Variants in CDH13 observed in about 807,000 individuals in gnomAD.
CDH13 encodes cadherin 13.
Under a neutral mutation model 63.8 loss-of-function variants are expected in CDH13, and 24 were observed. The observed-to-expected ratio is 0.38, with a 90% CI of 0.27 to 0.53. The LOEUF (loss-of-function observed/expected upper bound fraction) is 0.53, where lower values mean the gene tolerates loss of function less well. Among genes scored for constraint, CDH13 ranks in the 20% least tolerant of loss-of-function variants. The probability of loss-of-function intolerance (pLI) is 0.85; values close to 1 mark genes in which losing one functional copy is unlikely to be tolerated. For missense variants in CDH13, 1,049 were observed against 903.1 expected (o/e 1.16, Z -2.07); for synonymous variants, 503 against 355.3 (o/e 1.42, Z -4.67).
chr16:82,696,325 T>G (rs183343489), intron 1 of CDH13, among the ~76,000 whole-genome samples: 1 of 152,350 alleles, frequency 6.6e-6, no homozygotes, highest in African/African-American at 2.4e-5. Context: ...AATGAAAGAT[T>G]ACTTTCTAAC....
In CDH13 at chr16:83,213,456, C is replaced by A. The variant is rs375463038; in HGVS notation, c.484-3889C>A. ...TCTAGAAGGTCTGGGTGCTGTGTTC[C>A]CAACTTTTTCTGAGCAGAGAAGGGT... On this transcript the variant is annotated intron_variant, in intron 4 of 13. Coordinates refer to ENST00000567109, the MANE Select transcript of CDH13 (RefSeq NM_001257.5). Among the ~76,000 whole-genome samples, 153 of 152,174 alleles carry A rather than the reference C, an allele frequency of 1.0e-3. 4 individuals carry two copies. In the South Asian group the frequency reaches 0.026, roughly 26 times the overall value.
chr16:83,231,792 C>T (rs2040004652), intron 5 of CDH13, among the ~76,000 whole-genome samples: 1 of 152,174 alleles, frequency 6.6e-6, no homozygotes, highest in Non-Finnish European at 1.5e-5. Context: ...TTGTCCCCTC[C>T]ACATCTTATA....
intron 1 of CDH13, among the ~76,000 whole-genome samples, chr16:82,642,364 T>C (rs9925095): frequency 1 from 152,314 of 152,338 alleles, 76,145 homozygotes; most frequent in Middle Eastern, 1. Flanking sequence ...GTTTAGTCTA[T>C]GCATCCCCGT....
At chr16:82,859,238 A>G (rs1054048981) in intron 2 of CDH13, 3 of 152,226 alleles carry the variant, frequency 2.0e-5, no homozygotes, top group African/African-American at 7.2e-5. Flanking sequence ...ACTGGAAATG[A>G]AGAATATGGA....
intron 3 of CDH13, among the ~76,000 whole-genome samples, chr16:83,050,792 GTACCTCAT>G (rs1449307833): frequency 6.6e-6 from 1 of 152,052 alleles, no homozygotes; most frequent in Non-Finnish European, 1.5e-5. Flanking sequence ...CTGAACACCT[GTACCTCAT>G]TACCTCATTA....
At position 82,667,419 on chromosome 16, in the gene CDH13, A is replaced by T. The variant is rs376511808; in HGVS notation, c.45+40282A>T. Among the ~76,000 whole-genome samples, 24 of 152,256 alleles carry T rather than the reference A, an allele frequency of 1.6e-4. No individual in the cohort carries two copies. In the East Asian group the frequency reaches 4.4e-3, roughly 28 times the overall value. On this transcript the variant is annotated intron_variant, in intron 1 of 13. Coordinates refer to ENST00000567109, the MANE Select transcript of CDH13 (RefSeq NM_001257.5). ...TCCCTGAGAAGCCTGCCTCACCAGG[A>T]TGTGGTGTGGGGAGATGAAATAATT...
chr16:83,376,482 A>G (rs932678711), intron 6 of CDH13, among the ~76,000 whole-genome samples: 6 of 152,208 alleles, frequency 3.9e-5, no homozygotes. Context: ...CTAGTATGCA[A>G]AGATGTCAAA....
At chr16:82,754,289 CAT>C (rs761935158) in intron 1 of CDH13, among the ~76,000 whole-genome samples, 32 of 152,088 alleles carry the variant, frequency 2.1e-4, no homozygotes, top group African/African-American at 4.1e-4. Flanking sequence ...ATCATTCCCA[CAT>C]AGAAATGGAA....
chr16:83,305,814 C>G (rs1442772444), intron 5 of CDH13, among the ~76,000 whole-genome samples: 3 of 152,132 alleles, frequency 2.0e-5, no homozygotes, highest in African/African-American at 7.2e-5. Flanking sequence ...TAGTAGGAGG[C>G]CAAACGCATA....
chr16:83,790,500 C>T (rs1040550793), intron 13 of CDH13, among the ~76,000 whole-genome samples: 2 of 152,160 alleles, frequency 1.3e-5, no homozygotes, highest in African/African-American at 4.8e-5. Context: ...CCCGGATTCA[C>T]GCCATTCTCC....
intron 4 of CDH13, among the ~76,000 whole-genome samples, chr16:83,175,890 G>A (rs958129889): frequency 4.2e-5 from 6 of 142,512 alleles, no homozygotes; most frequent in Non-Finnish European, 7.5e-5. Context: ...GTGTAATGGC[G>A]CGATCTCGGC....
intron 2 of CDH13, among the ~76,000 whole-genome samples, chr16:83,010,991 T>G (rs1210915254): frequency 6.6e-6 from 1 of 152,170 alleles, no homozygotes; most frequent in Non-Finnish European, 1.5e-5. Flanking sequence ...GCGTAGAACA[T>G]GCAACATCGT....
At chr16:83,036,911 G>A (rs142284231) in intron 3 of CDH13, among the ~76,000 whole-genome samples, 1 of 152,286 alleles carries the variant, frequency 6.6e-6, no homozygotes, top group East Asian at 1.9e-4. Context: ...TTGGCCAGAG[G>A]AAGCTGGAAC....
intron 6 of CDH13, among the ~76,000 whole-genome samples, chr16:83,482,665 G>A (rs2073798335): frequency 6.6e-6 from 1 of 152,254 alleles, no homozygotes; most frequent in African/African-American, 2.4e-5. Context: ...GCACTCAGCA[G>A]ATAGGTTGGG....
chr16:83,513,357 A>T (rs2074619524), intron 7 of CDH13, among the ~76,000 whole-genome samples: 1 of 152,174 alleles, frequency 6.6e-6, no homozygotes. Flanking sequence ...ACGTCCTTAG[A>T]TCCCTTAGAT....
intron 7 of CDH13, among the ~76,000 whole-genome samples, chr16:83,509,480 C>T (rs547584238): frequency 6.6e-6 from 1 of 152,270 alleles, no homozygotes; most frequent in African/African-American, 2.4e-5. Flanking sequence ...ATAGATACCA[C>T]ATAAATGAAT....
In CDH13 at chr16:83,064,402, A is replaced by G. The variant is rs141948663; in HGVS notation, c.366+32184A>G. Among the ~76,000 whole-genome samples, 253 of 152,278 alleles carry G rather than the reference A, an allele frequency of 1.7e-3. 1 individual carries two copies. The highest frequency in any genetic ancestry group is 5.7e-3 in the African/African-American group (238 of 41,568). On this transcript the variant is annotated intron_variant, in intron 3 of 13. Transcript: ENST00000567109. ...AAGTTATATGAGTATTGTTGAAGTC[A>G]TTTAGGAACAGATTTTTTAGCAACA... is the stretch of plus-strand genomic sequence containing the variant.
intron 2 of CDH13, among the ~76,000 whole-genome samples, chr16:83,017,968 A>G (rs2151448845): frequency 6.6e-6 from 1 of 152,370 alleles, no homozygotes; most frequent in African/African-American, 2.4e-5. Flanking sequence ...AAACAAGCCC[A>G]GCAAAACACA....
At chr16:83,120,123 A>G (rs1159894164) in intron 3 of CDH13, among the ~76,000 whole-genome samples, 1 of 151,896 alleles carries the variant, frequency 6.6e-6, no homozygotes, top group Non-Finnish European at 1.5e-5. Context: ...TACCTCCAGC[A>G]GCCCCCGAAC....
Sources: gnomAD v4.1 joint callset for allele counts (sites outside exome capture counted in the v4.1 genomes callset) on GRCh38, gnomAD v4.1.1 for gene constraint, MANE v1.5 for transcripts, NCBI Gene and HGNC (gene_info 2026-07-23, HGNC 2026-07-21) for gene names.